SIDT1: variants seen among roughly 807,000 people sequenced by gnomAD.
SIDT1 encodes SID1 transmembrane family, member 1.
A neutral mutation model predicts 107.5 loss-of-function variants in SIDT1; 101 were observed. The ratio of observed to expected loss-of-function variants is 0.94; its 90% CI spans 0.80 to 1.11. SIDT1 has a LOEUF of 1.11. Ranked by LOEUF, SIDT1 falls within the 50% of genes least tolerant of loss-of-function variation. The pLI is 0.00. For synonymous variants in SIDT1, 395 were observed against 398.2 expected (o/e 0.99, Z 0.10); for missense variants, 1,076 against 1,058.2 (o/e 1.02, Z -0.23).
At chr3:113,564,083 T>C (rs552584634) in intron 1 of SIDT1, among the ~76,000 whole-genome samples, 1 of 152,286 alleles carries the variant, frequency 6.6e-6, no homozygotes, top group East Asian at 1.9e-4. Context: ...CGAGTAGCTG[T>C]GATTACGGGC....
chr3:113,541,305 G>C (rs929860508), intron 1 of SIDT1, among the ~76,000 whole-genome samples: 6 of 152,014 alleles, frequency 3.9e-5, no homozygotes, highest in Admixed American at 3.9e-4. Flanking sequence ...GAGTAGCTGG[G>C]ATTACAGGCA....
At position 113,611,057 on chromosome 3, in the gene SIDT1, T is replaced by G. The variant is rs1945698004; in HGVS notation, c.1770T>G (p.Tyr590Ter). 6.2e-7 allele frequency: 1 copy of G among 1,613,996 alleles called. No homozygotes were observed. Among genetic ancestry groups the G allele is most frequent in the Non-Finnish European group, 8.5e-7 (1 of 1,180,022 alleles). Residue 590 changes from tyrosine (Y) to a stop codon, truncating the protein, a stop_gained, in exon 18 of 25, where the codon TAT becomes TAG. Coordinates refer to ENST00000264852, the MANE Select transcript of SIDT1 (RefSeq NM_017699.3). LOFTEE classifies it high-confidence loss of function. ...MIAGLCMLKL[Y>*]QTRHPDINAS... ...CTGGCCTGTGCATGCTGAAGCTCTA[T>G]CAGACCCGCCACCCAGACATCAATG...
At chr3:113,555,863 T>C (rs1398675140) in intron 1 of SIDT1, among the ~76,000 whole-genome samples, 1 of 151,614 alleles carries the variant, frequency 6.6e-6, no homozygotes, top group Non-Finnish European at 1.5e-5. Flanking sequence ...TTTTTTTTTT[T>C]TTTTGCCCGG....
At chr3:113,557,730 A>G (rs1166412035) in intron 1 of SIDT1, among the ~76,000 whole-genome samples, 1 of 152,240 alleles carries the variant, frequency 6.6e-6, no homozygotes, top group Non-Finnish European at 1.5e-5. Context: ...GAACTGTGAA[A>G]GAATAACTTT....
intron 9 of SIDT1, among the ~76,000 whole-genome samples, chr3:113,591,077 G>C (rs543300786): frequency 1.3e-5 from 2 of 152,174 alleles, no homozygotes; most frequent in African/African-American, 4.8e-5. Flanking sequence ...AAGGAAATGC[G>C]ACAAAGAAAG....
At chr3:113,582,037 G>T (rs1943390751) in intron 6 of SIDT1, among the ~76,000 whole-genome samples, 1 of 152,128 alleles carries the variant, frequency 6.6e-6, no homozygotes, top group Non-Finnish European at 1.5e-5. Context: ...CCAATTTAGG[G>T]TGAAGTTTGT....
chr3:113,572,127 GA>G (rs1427237616), intron 3 of SIDT1, among the ~76,000 whole-genome samples: 1 of 152,174 alleles, frequency 6.6e-6, no homozygotes, highest in Non-Finnish European at 1.5e-5. Flanking sequence ...AGGGGAAAAA[GA>G]AAAGAGAGAG....
chr3:113,542,437 T>C (rs1939021769), intron 1 of SIDT1, among the ~76,000 whole-genome samples: 3 of 152,186 alleles, frequency 2.0e-5, no homozygotes, highest in Non-Finnish European at 2.9e-5. Context: ...TTTTTAAATA[T>C]GCTGTCTGAA....
At chr3:113,580,564 A>T in intron 4 of SIDT1, 44 bp from the exon 5 acceptor site, 1 of 1,234,800 alleles carries the variant, frequency 8.1e-7, no homozygotes, top group Non-Finnish European at 1.2e-6. Flanking sequence ...AAACAATCCC[A>T]TTCATGTAAA....
At chr3:113,627,541 G>C (rs1946938781) in intron 24 of SIDT1, 105 bp from the exon 25 acceptor site, 4 of 1,015,656 alleles carry the variant, frequency 3.9e-6, no homozygotes, top group Middle Eastern at 2.1e-4. Flanking sequence ...ATGAGAATGA[G>C]AGGGAACTAA....
intron 1 of SIDT1, among the ~76,000 whole-genome samples, chr3:113,560,146 T>A (rs1336181720): frequency 3.3e-5 from 5 of 152,162 alleles, no homozygotes; most frequent in African/African-American, 1.2e-4. Flanking sequence ...ATGGTCTCCC[T>A]AAGCGCCTTC....
intron 3 of SIDT1, among the ~76,000 whole-genome samples, chr3:113,569,316 T>C (rs544706158): frequency 6.6e-6 from 1 of 152,288 alleles, no homozygotes; most frequent in Admixed American, 6.5e-5. Context: ...TTCAAATATA[T>C]GCTTATAACT....
chr3:113,635,728 G>T, the SIDT1 span, among the ~76,000 whole-genome samples: 1 of 151,854 alleles, frequency 6.6e-6, no homozygotes, highest in Non-Finnish European at 1.5e-5. Context: ...TTAGCCAGGC[G>T]TGGTGGCAGG....
intron 3 of SIDT1, among the ~76,000 whole-genome samples, chr3:113,575,567 A>G (rs1942833927): frequency 6.6e-6 from 1 of 152,228 alleles, no homozygotes; most frequent in Admixed American, 6.5e-5. Context: ...ACCAATCCTC[A>G]ACATTGATTA....
At chr3:113,537,816 T>C (rs755176060) in intron 1 of SIDT1, among the ~76,000 whole-genome samples, 6 of 152,220 alleles carry the variant, frequency 3.9e-5, no homozygotes, top group Non-Finnish European at 2.9e-5. Flanking sequence ...ATAGTCTCGC[T>C]GTGTCACCCA....
chr3:113,538,473 A>G (rs1299991627), intron 1 of SIDT1, among the ~76,000 whole-genome samples: 3 of 152,252 alleles, frequency 2.0e-5, no homozygotes, highest in African/African-American at 7.2e-5. Flanking sequence ...GCTGTTAAAC[A>G]TAGAATACAT....
rs1461622503 is a variant in SIDT1, at chr3:113,584,720, T to C, written c.858T>C (p.Asn286=). 6.2e-7 allele frequency: 1 copy of C among 1,600,908 alleles called. No individual in the cohort carries two copies. ...CAGAAAAGGAAAACCAGACCTGGAA[T>C]CTACAGCGAAAAAAGAACCTTGAAG... ...FIQEKENQTW[N]LQRKKNLEVT... is the part of the protein sequence containing the mutation. The change falls in exon 8 of 25, where the codon AAT becomes AAC. Residue 286 remains asparagine (N), a synonymous_variant. Coordinates refer to ENST00000264852, the MANE Select transcript of SIDT1 (RefSeq NM_017699.3).
At chr3:113,596,072 C>T (rs547321794) in intron 10 of SIDT1, among the ~76,000 whole-genome samples, 5 of 152,282 alleles carry the variant, frequency 3.3e-5, no homozygotes, top group South Asian at 2.1e-4. Context: ...ACAGGAAGTT[C>T]GATGGAGCTC....
At chr3:113,633,401 A>G (rs1947106070), downstream of SIDT1, among the ~76,000 whole-genome samples, 3 of 152,206 alleles carry the variant, frequency 2.0e-5, no homozygotes, top group Non-Finnish European at 4.4e-5. Context: ...AACATTCAGG[A>G]AAAGGAAAAC....
Sources: gnomAD v4.1 joint callset for allele counts (sites outside exome capture counted in the v4.1 genomes callset) on GRCh38, gnomAD v4.1.1 for gene constraint, MANE v1.5 for transcripts, NCBI Gene and HGNC (gene_info 2026-07-23, HGNC 2026-07-21) for gene names.